PRR5L: variants seen among roughly 807,000 people sequenced by gnomAD.
PRR5L encodes proline-rich protein 5-like.
In PRR5L, 21 loss-of-function variants were observed where a neutral mutation model predicts 36.4. That is an observed-to-expected ratio of 0.58 (90% CI 0.41 to 0.83). The LOEUF is 0.83. PRR5L is among the 40% of genes least tolerant of loss of function. The pLI, the probability that PRR5L is intolerant of heterozygous loss-of-function variation, is 0.00. For missense variants in PRR5L, 381 were observed against 473.3 expected, an observed-to-expected ratio of 0.80 and a Z score of 1.81; for synonymous variants, 188 against 197.0, an observed-to-expected ratio of 0.95 and a Z score of 0.38.
intron 1 of PRR5L, chr11:36,301,112 G>C (rs1301295552): frequency 6.5e-6 from 1 of 152,724 alleles, no homozygotes; most frequent in Non-Finnish European, 1.5e-5. Flanking sequence ...AGGGCATGGA[G>C]GCATGGAAAA....
intron 3 of PRR5L, among the ~76,000 whole-genome samples, chr11:36,415,859 A>G (rs896837781): frequency 2.0e-5 from 3 of 152,256 alleles, no homozygotes; most frequent in Non-Finnish European, 2.9e-5. Flanking sequence ...ACCCCTTCAT[A>G]TAGTAATACA....
intron 1 of PRR5L, among the ~76,000 whole-genome samples, chr11:36,372,632 A>T (rs750195871): frequency 1.3e-5 from 2 of 152,128 alleles, no homozygotes; most frequent in Non-Finnish European, 1.5e-5. Context: ...GACTGGTAAC[A>T]AGAGAAGCAG....
rs1012179162 is a variant in PRR5L, at chr11:36,419,297, T to C, written c.288T>C (p.Tyr96=). 1 of 1,613,882 alleles carries C rather than the reference T, an allele frequency of 6.2e-7. No homozygotes were observed. ...AACTTGGATCATTCATTACAGACTA[T>C]TTTCAGGTAAGCTGTGTGGATCTGA... is the stretch of plus-strand genomic sequence containing the variant. ...KSELGSFITD[Y]FQNQLLAKGL... is the part of the protein sequence containing the mutation. Residue 96 remains tyrosine (Y), a synonymous_variant, in exon 4 of 9, where the codon TAT becomes TAC. Transcript: ENST00000530639.
rs150254725 is a variant in PRR5L at position 36,462,653 on chromosome 11, A to G, written c.1024A>G (p.Ile342Val). 44 of 1,611,282 alleles carry G rather than the reference A, an allele frequency of 2.7e-5. No individual in the cohort carries two copies. The African/African-American group carries it at 5.5e-4, about 20-fold the overall frequency. ...CCGGCAGTGCTCCAGTGAGCCCAAC[A>G]TCACTGACAACCCTGACGGACTGGA... ...PHRQCSSEPN[I>V]TDNPDGLEEG... The change falls in exon 9 of 9, where the codon ATC (isoleucine) becomes GTC (valine). Residue 342 changes from isoleucine to valine, a missense_variant. Ile to Val is a conservative substitution (Grantham distance 29). Transcript: ENST00000530639.
At chr11:36,308,314 A>G (rs1057177677) in intron 1 of PRR5L, among the ~76,000 whole-genome samples, 1 of 152,240 alleles carries the variant, frequency 6.6e-6, no homozygotes, top group Non-Finnish European at 1.5e-5. Flanking sequence ...TAAGTCGTCC[A>G]CATCTGCTCT....
rs552785140 is a variant in PRR5L, at chr11:36,401,223, C to T, written c.102C>T (p.Asp34=). ...TCATGAGCTCCCCCGTGCTCAGCGA[C>T]CTTCCCCGATTCCAAGCAGCTCGGC... ...PRFMSSPVLS[D]LPRFQAARQA... is the part of the protein sequence containing the mutation. Residue 34 remains aspartate (D), a synonymous_variant, in exon 2 of 9, where the codon GAC becomes GAT. Coordinates refer to ENST00000530639, the MANE Select transcript of PRR5L (RefSeq NM_001160167.2). 7.4e-6 allele frequency: 12 copies of T among 1,613,972 alleles called. No homozygotes were observed. Among genetic ancestry groups the T allele is most frequent in the Middle Eastern group, 3.3e-4 (2 of 6,062 alleles).
chr11:36,385,115 T>G (rs1857434172), intron 1 of PRR5L, among the ~76,000 whole-genome samples: 1 of 152,228 alleles, frequency 6.6e-6, no homozygotes, highest in Non-Finnish European at 1.5e-5. Context: ...GACTGTAGCT[T>G]TTGACTACTC....
chr11:36,393,110 T>C (rs1308939822), intron 1 of PRR5L, among the ~76,000 whole-genome samples: 1 of 152,184 alleles, frequency 6.6e-6, no homozygotes, highest in Admixed American at 6.5e-5. Context: ...TTTGCAAATA[T>C]TTTCTCCCAT....
intron 1 of PRR5L, among the ~76,000 whole-genome samples, chr11:36,379,184 C>T (rs1857328768): frequency 6.6e-6 from 1 of 152,222 alleles, no homozygotes; most frequent in African/African-American, 2.4e-5. Flanking sequence ...GTATCTTCAG[C>T]ATTAAAGCCA....
At chr11:36,358,444 C>A (rs745550320) in intron 1 of PRR5L, among the ~76,000 whole-genome samples, 1 of 152,166 alleles carries the variant, frequency 6.6e-6, no homozygotes, top group Non-Finnish European at 1.5e-5. Flanking sequence ...CTCACTGAAG[C>A]CTCAGATGAT....
intron 8 of PRR5L, among the ~76,000 whole-genome samples, chr11:36,457,281 C>T (rs1859080551): frequency 6.6e-6 from 1 of 152,208 alleles, no homozygotes; most frequent in Non-Finnish European, 1.5e-5. Context: ...GATACCCCTT[C>T]CCCAAAGAGA....
intron 3 of PRR5L, among the ~76,000 whole-genome samples, chr11:36,414,844 G>C (rs1320251081): frequency 6.9e-6 from 1 of 145,024 alleles, no homozygotes; most frequent in African/African-American, 2.6e-5. Context: ...TATGGTTTTA[G>C]GTCTAACGTT....
intron 3 of PRR5L, among the ~76,000 whole-genome samples, chr11:36,414,158 G>C (rs1358148266): frequency 1.6e-3 from 247 of 151,524 alleles, no homozygotes; most frequent in African/African-American, 5.7e-3. Context: ...ATTGTGAATA[G>C]TGCCACAGTA....
chr11:36,425,335 G>A (rs1228117945), intron 4 of PRR5L: 3 of 152,172 alleles, frequency 2.0e-5, no homozygotes, highest in African/African-American at 7.2e-5. Context: ...CTAGTAAATG[G>A]TGGCATGAAG....
At chr11:36,371,921 G>T (rs1251003572) in intron 1 of PRR5L, among the ~76,000 whole-genome samples, 3 of 152,112 alleles carry the variant, frequency 2.0e-5, no homozygotes, top group Non-Finnish European at 4.4e-5. Context: ...AGCTGTGTGT[G>T]GTGGTGCACG....
At chr11:36,351,363 AAT>A (rs1443891875) in intron 1 of PRR5L, among the ~76,000 whole-genome samples, 5 of 88,746 alleles carry the variant, frequency 5.6e-5, no homozygotes, top group South Asian at 3.6e-4. Context: ...AATATATATA[AAT>A]ATATATACAT....
At chr11:36,460,403 T>C (rs1859155458) in intron 8 of PRR5L, among the ~76,000 whole-genome samples, 1 of 151,968 alleles carries the variant, frequency 6.6e-6, no homozygotes, top group Non-Finnish European at 1.5e-5. Flanking sequence ...CTCCCCCAAG[T>C]CTGCCGTTCC....
chr11:36,422,526 C>T (rs1046972767), intron 4 of PRR5L, among the ~76,000 whole-genome samples: 1 of 152,196 alleles, frequency 6.6e-6, no homozygotes, highest in African/African-American at 2.4e-5. Flanking sequence ...AAGTCTGTCT[C>T]CTCACCCTGA....
intron 1 of PRR5L, among the ~76,000 whole-genome samples, chr11:36,397,804 G>GT (rs553676123): frequency 5.5e-4 from 80 of 145,260 alleles, no homozygotes; most frequent in South Asian, 2.0e-3. Context: ...TTCTTTTTTT[G>GT]TTTTTTTTTG....
Sources: allele counts gnomAD v4.1 joint callset (sites outside exome capture counted in the v4.1 genomes callset), GRCh38; gene constraint gnomAD v4.1.1; transcripts MANE v1.5; gene names NCBI Gene and HGNC (gene_info 2026-07-23, HGNC 2026-07-21).